Variants in CCDC85A observed in about 807,000 individuals in gnomAD.
The protein encoded by CCDC85A is coiled-coil domain containing 85A, also known as coiled-coil domain-containing protein 85A.
Under a neutral mutation model 50.2 loss-of-function variants are expected in CCDC85A, and 38 were observed. The ratio of observed to expected loss-of-function variants is 0.76; its 90% CI spans 0.58 to 0.99. The LOEUF (loss-of-function observed/expected upper bound fraction) is 0.99. Ranked by LOEUF, CCDC85A falls within the 50% of genes least tolerant of loss-of-function variation. CCDC85A has a pLI of 0.00. For missense variants in CCDC85A, 820 were observed against 742.0 expected, an observed-to-expected ratio of 1.11 and a Z score of -1.22; for synonymous variants, 366 against 301.4, an observed-to-expected ratio of 1.21 and a Z score of -2.22.
intron 2 of CCDC85A, among the ~76,000 whole-genome samples, chr2:56,196,738 A>G (rs1337430823): frequency 2.0e-5 from 3 of 152,200 alleles, no homozygotes; most frequent in Non-Finnish European, 4.4e-5. Flanking sequence ...TAGCTCACCC[A>G]CTGGACATAA....
chr2:56,366,395 T>C (rs1573351704), intron 3 of CCDC85A, among the ~76,000 whole-genome samples: 1 of 152,190 alleles, frequency 6.6e-6, no homozygotes, highest in African/African-American at 2.4e-5. Flanking sequence ...GGTTCCCATC[T>C]CTCCATATTC....
intron 2 of CCDC85A, among the ~76,000 whole-genome samples, chr2:56,317,913 C>G (rs1436214659): frequency 6.6e-6 from 1 of 152,076 alleles, no homozygotes; most frequent in African/African-American, 2.4e-5. Flanking sequence ...AACCAGATTA[C>G]CACAGAGTAT....
chr2:56,244,538 G>C (rs984897155), intron 2 of CCDC85A, among the ~76,000 whole-genome samples: 1 of 151,794 alleles, frequency 6.6e-6, no homozygotes, highest in Non-Finnish European at 1.5e-5. Flanking sequence ...GGGACCCTAA[G>C]AGACTGCAGG....
intron 3 of CCDC85A, among the ~76,000 whole-genome samples, chr2:56,354,294 T>C (rs1341722779): frequency 6.6e-6 from 1 of 152,234 alleles, no homozygotes; most frequent in Non-Finnish European, 1.5e-5. Flanking sequence ...TAAATTGTTA[T>C]GACAAAGAGA....
At chr2:56,367,649 G>C (rs1045282804) in intron 3 of CCDC85A, among the ~76,000 whole-genome samples, 24 of 152,108 alleles carry the variant, frequency 1.6e-4, no homozygotes, top group Non-Finnish European at 3.2e-4. Context: ...GTTTTGACAA[G>C]TAAAAATGTC....
chr2:56,349,165 T>C (rs1345327666), intron 3 of CCDC85A, among the ~76,000 whole-genome samples: 1 of 152,046 alleles, frequency 6.6e-6, no homozygotes, highest in East Asian at 1.9e-4. Flanking sequence ...TGGATGTTAC[T>C]GATTGGAAAA....
At chr2:56,194,080 C>G (rs1210701387) in intron 2 of CCDC85A, among the ~76,000 whole-genome samples, 1 of 152,170 alleles carries the variant, frequency 6.6e-6, no homozygotes, top group Non-Finnish European at 1.5e-5. Flanking sequence ...TTTCTACTCA[C>G]TCAAAATCCA....
chr2:56,295,947 G>A (rs566204715), intron 2 of CCDC85A, among the ~76,000 whole-genome samples: 59 of 152,296 alleles, frequency 3.9e-4, no homozygotes, highest in East Asian at 3.9e-4. Context: ...GTTTTTCTAC[G>A]ACTTTCTAAT....
intron 3 of CCDC85A, among the ~76,000 whole-genome samples, chr2:56,343,796 C>T (rs1674492554): frequency 6.6e-6 from 1 of 152,128 alleles, no homozygotes. Flanking sequence ...CAAAATTATA[C>T]CTCAAACAAC....
chr2:56,298,414 T>C lies in CCDC85A; in HGVS notation c.1241-44465T>C, dbSNP rs6717192. Among the ~76,000 whole-genome samples the C allele has an allele frequency of 5.0e-3, 754 of 152,128 alleles. 4 individuals are homozygous for C. Among genetic ancestry groups the C allele is most frequent in the African/African-American group, 0.017 (709 of 41,512 alleles). On this transcript the variant is annotated intron_variant, in intron 2 of 5. Coordinates refer to ENST00000407595, the MANE Select transcript of CCDC85A (RefSeq NM_001080433.2). ...CATTTCAATCAAATTATAGGCTGCGTTTGGAAAAAAAGTGATCTTGATCTG... is the reference window on the plus strand; with the variant it reads ...CATTTCAATCAAATTATAGGCTGCGCTTGGAAAAAAAGTGATCTTGATCTG...
At position 56,379,074 on chromosome 2, in the gene CCDC85A, C is replaced by G. The variant is rs1008675899; in HGVS notation, c.1572+3139C>G. ...TAGGGCTAATTTAGAGAAGTGGAAA[C>G]ATAGGCCTCTAAAATTGTTTAAAAG... On this transcript the variant is annotated intron_variant, in intron 5 of 5. Coordinates refer to ENST00000407595, the MANE Select transcript of CCDC85A (RefSeq NM_001080433.2). 2.9e-4 allele frequency among the ~76,000 whole-genome samples: 44 copies of G among 152,146 alleles called. 1 individual carries two copies. The highest frequency in any genetic ancestry group is 9.4e-4 in the African/African-American group (39 of 41,442).
chr2:56,336,891 A>G (rs1341593447), intron 2 of CCDC85A, among the ~76,000 whole-genome samples: 3 of 152,228 alleles, frequency 2.0e-5, no homozygotes, highest in Admixed American at 2.0e-4. Flanking sequence ...CAGGGAGGAA[A>G]AAAAAAGAAT....
chr2:56,358,776 T>C (rs1675365897), intron 3 of CCDC85A, among the ~76,000 whole-genome samples: 1 of 142,290 alleles, frequency 7.0e-6, no homozygotes, highest in South Asian at 2.4e-4. Context: ...CTTATATTTT[T>C]GTCTTTTTTT....
chr2:56,372,254 T>A (rs1676110492), intron 3 of CCDC85A, 90 bp from the exon 4 acceptor site: 1 of 1,313,890 alleles, frequency 7.6e-7, no homozygotes, highest in South Asian at 2.0e-5. Flanking sequence ...TTGTGGTTCA[T>A]CTCATTAAGC....
chr2:56,250,090 T>C (rs558060268), intron 2 of CCDC85A, among the ~76,000 whole-genome samples: 1 of 152,184 alleles, frequency 6.6e-6, no homozygotes, highest in Non-Finnish European at 1.5e-5. Context: ...CTCTAAAACG[T>C]GTAAGCAAGG....
intron 2 of CCDC85A, among the ~76,000 whole-genome samples, chr2:56,253,613 A>C (rs547779317): frequency 6.6e-6 from 1 of 152,300 alleles, no homozygotes; most frequent in East Asian, 1.9e-4. Context: ...GAATAAGAGA[A>C]GACTAGTTAA....
intron 3 of CCDC85A, among the ~76,000 whole-genome samples, chr2:56,353,426 G>T (rs1266074475): frequency 6.6e-6 from 1 of 152,216 alleles, no homozygotes; most frequent in Non-Finnish European, 1.5e-5. Context: ...TCTCTGGTTA[G>T]ATCCAAAGAG....
intron 2 of CCDC85A, among the ~76,000 whole-genome samples, chr2:56,220,307 C>T (rs905051051): frequency 1.3e-5 from 2 of 151,952 alleles, no homozygotes; most frequent in African/African-American, 4.8e-5. Context: ...GCTGTTAAAT[C>T]AGGTATACTA....
chr2:56,312,613 A>G (rs1006076112), intron 2 of CCDC85A, among the ~76,000 whole-genome samples: 2 of 152,196 alleles, frequency 1.3e-5, no homozygotes, highest in African/African-American at 2.4e-5. Context: ...TGTGATACCT[A>G]TAATACCAAA....
Sources: allele counts gnomAD v4.1 joint callset (sites outside exome capture counted in the v4.1 genomes callset), GRCh38; gene constraint gnomAD v4.1.1; transcripts MANE v1.5; gene names NCBI Gene and HGNC (gene_info 2026-07-23, HGNC 2026-07-21).